TEX15: variants seen among roughly 807,000 people sequenced by gnomAD.
TEX15 encodes the protein testis expressed 15, meiosis and synapsis associated.
In TEX15, 171 loss-of-function variants were observed where a neutral mutation model predicts 237.3. The observed-to-expected ratio is 0.72, with a 90% CI of 0.64 to 0.82. The LOEUF (loss-of-function observed/expected upper bound fraction) is 0.82, where lower values mean the gene tolerates loss of function less well. Among genes scored for constraint, TEX15 ranks in the 40% least tolerant of loss-of-function variants. The probability of loss-of-function intolerance (pLI) is 0.00; values close to 1 mark genes in which losing one functional copy is unlikely to be tolerated. For missense variants in TEX15, 3,750 were observed against 3,646.5 expected, an observed-to-expected ratio of 1.03 and a Z score of -0.73; for synonymous variants, 1,338 against 1,269.8, an observed-to-expected ratio of 1.05 and a Z score of -1.14.
At chr8:30,900,207 CT>C in intron 1 of TEX15, among the ~76,000 whole-genome samples, 1 of 152,250 alleles carries the variant, frequency 6.6e-6, no homozygotes, top group South Asian at 2.1e-4. Context: ...TACTCAAGTG[CT>C]TTAATTGTCA....
In TEX15 at chr8:30,846,261, C is replaced by A; in HGVS notation, c.3906G>T (p.Arg1302Ser). The change falls in exon 8 of 11, where the codon AGG (arginine) becomes AGT (serine). Residue 1302 changes from arginine to serine, a missense_variant. Arg to Ser is a moderately radical substitution (Grantham distance 110, BLOSUM62 -1). Transcript: ENST00000643185. ...KKEVESRISK[R>S]KLHISSRDQN... ...GATCCCTGGAAGATATATGTAGCTT[C>A]CTTTTGCTAATTCTTGATTCTACCT... is the stretch of plus-strand genomic sequence containing the variant. 2 of 1,613,468 alleles carry A rather than the reference C, an allele frequency of 1.2e-6. No homozygotes were observed. Among genetic ancestry groups the A allele is most frequent in the Non-Finnish European group, 1.7e-6 (2 of 1,179,676 alleles).
At chr8:30,850,897 C>T (rs1034833623) in intron 7 of TEX15, among the ~76,000 whole-genome samples, 2 of 151,834 alleles carry the variant, frequency 1.3e-5, no homozygotes, top group African/African-American at 4.8e-5. Flanking sequence ...TCAACAAACA[C>T]AAAAAGATGC....
chr8:30,884,813 T>C (rs1003019202), intron 3 of TEX15, among the ~76,000 whole-genome samples: 1 of 152,136 alleles, frequency 6.6e-6, no homozygotes, highest in East Asian at 1.9e-4. Flanking sequence ...ATTAATTTCC[T>C]GTTTTTAATT....
At chr8:30,892,442 C>T (rs1409746024) in intron 2 of TEX15, among the ~76,000 whole-genome samples, 1 of 152,096 alleles carries the variant, frequency 6.6e-6, no homozygotes, top group Admixed American at 6.6e-5. Context: ...TCTTCCACAG[C>T]CTCTTTGCAC....
In TEX15 at chr8:30,848,491, T is replaced by TC; in HGVS notation, c.1675dup (p.Glu559GlyfsTer12). 1 of 1,614,160 alleles carries TC rather than the reference T, an allele frequency of 6.2e-7. No homozygotes were observed. Among genetic ancestry groups the TC allele is most frequent in the South Asian group, 1.1e-5 (1 of 91,074 alleles). On this transcript the variant is annotated frameshift_variant, in exon 8 of 11. Transcript: ENST00000643185. LOFTEE classifies it high-confidence loss of function. The stretch of plus-strand genomic sequence containing the variant: ...CTCCTGTTGGGCTCTCTGAGCCTTC[T>TC]CCTCACTGTGGTTTTGGTTCTCAAC...
chr8:30,865,041 T>C (rs1356682136), intron 5 of TEX15, among the ~76,000 whole-genome samples: 2 of 151,980 alleles, frequency 1.3e-5, no homozygotes, highest in Admixed American at 1.3e-4. Context: ...AAAGGAAGAC[T>C]TTGTTTTTAA....
At chr8:30,840,161 T>A (rs1807417149) in intron 8 of TEX15, among the ~76,000 whole-genome samples, 197 bp from the exon 9 acceptor site, 1 of 151,764 alleles carries the variant, frequency 6.6e-6, no homozygotes, top group Admixed American at 6.6e-5. Flanking sequence ...GGAGTAACTT[T>A]AAAAAAAATA....
intron 4 of TEX15, among the ~76,000 whole-genome samples, chr8:30,873,705 C>T (rs1808343391): frequency 6.6e-6 from 1 of 152,110 alleles, no homozygotes; most frequent in Non-Finnish European, 1.5e-5. Flanking sequence ...TTGCCAGACT[C>T]AGTTTTGCAC....
intron 7 of TEX15, among the ~76,000 whole-genome samples, chr8:30,853,787 C>A (rs1302573567): frequency 6.6e-6 from 1 of 151,676 alleles, no homozygotes; most frequent in Non-Finnish European, 1.5e-5. Flanking sequence ...CCTCAATAAA[C>A]TTAAAGGAAA....
intron 10 of TEX15, among the ~76,000 whole-genome samples, chr8:30,833,699 A>G (rs1585275187): frequency 6.6e-6 from 1 of 152,338 alleles, no homozygotes; most frequent in East Asian, 1.9e-4. Flanking sequence ...TCACATTTTT[A>G]AGAATGCAGT....
intron 2 of TEX15, chr8:30,887,910 ATATATATATATAT>A (rs1176214855): frequency 7.1e-6 from 1 of 141,682 alleles, no homozygotes; most frequent in African/African-American, 2.5e-5. Flanking sequence ...ATATATATAT[ATATATATATATAT>A]ATATATGAAT....
chr8:30,859,651 A>G (rs1807997583), intron 6 of TEX15, among the ~76,000 whole-genome samples: 2 of 152,170 alleles, frequency 1.3e-5, no homozygotes, highest in Admixed American at 6.5e-5. Context: ...AGAAGTTGGT[A>G]TATTTTGAAA....
At chr8:30,911,775 G>T (rs541567709) in intron 1 of TEX15, among the ~76,000 whole-genome samples, 1 of 152,136 alleles carries the variant, frequency 6.6e-6, no homozygotes, top group Non-Finnish European at 1.5e-5. Context: ...GTGGCCATGC[G>T]CCTCAAACCG....
chr8:30,844,778 A>G lies in TEX15; in HGVS notation c.5389T>C (p.Ser1797Pro). The change falls in exon 8 of 11, where the codon TCA becomes CCA. Residue 1797 changes from serine (S) to proline (P), a missense_variant. Physicochemically the swap from Ser to Pro is moderately conservative, Grantham distance 74. Coordinates refer to ENST00000643185, the MANE Select transcript of TEX15 (RefSeq NM_001350162.2). ...TAACTTTTATCTTCTTCAGTTCCTG[A>G]TGCTACATCCAACTCATAATTCTCA... Reference protein sequence around the residue: ...VTENYELDVASGTEEDKSYGE... With the variant: ...VTENYELDVAPGTEEDKSYGE... 6.2e-7 allele frequency: 1 copy of G among 1,613,508 alleles called. No homozygotes were observed. Among genetic ancestry groups the G allele is most frequent in the South Asian group, 1.1e-5 (1 of 91,062 alleles).
chr8:30,905,941 A>G (rs907451354), intron 1 of TEX15, among the ~76,000 whole-genome samples: 22 of 151,738 alleles, frequency 1.4e-4, no homozygotes, highest in African/African-American at 5.3e-4. Context: ...CAAAACCCAA[A>G]TTTTATCTGC....
intron 1 of TEX15, among the ~76,000 whole-genome samples, chr8:30,912,333 C>CCCCCA (rs772066925): frequency 1.6e-3 from 1 of 622 alleles, no homozygotes. Flanking sequence ...GGCGGCGGGG[C>CCCCCA]TCCCGCCCCC....
intron 4 of TEX15, among the ~76,000 whole-genome samples, chr8:30,871,752 A>C (rs181822024): frequency 4.6e-5 from 7 of 152,274 alleles, no homozygotes; most frequent in Non-Finnish European, 1.0e-4. Context: ...CCAAAGTCTC[A>C]CTGAATTACT....
Position 30,847,685 on chromosome 8 carries a change from C to T in TEX15, c.2482G>A (p.Ala828Thr), listed in dbSNP as rs748319104. The stretch of plus-strand genomic sequence containing the variant: ...TCCTGACCCCTATCTTCAACATAAG[C>T]AGTTTCTTTATAGTCTCTCTGAATG... The part of the protein sequence containing the change: ...ENIQRDYKET[A>T]YVEDRGQDHN... Residue 828 changes from alanine to threonine, a missense_variant, in exon 8 of 11, where the codon GCT becomes ACT. Coordinates refer to ENST00000643185, the MANE Select transcript of TEX15 (RefSeq NM_001350162.2). The T allele has an allele frequency of 2.8e-5, 45 of 1,613,724 alleles. No homozygotes were observed. In the Admixed American group the frequency reaches 7.2e-4, roughly 26 times the overall value.
intron 1 of TEX15, among the ~76,000 whole-genome samples, chr8:30,907,858 A>T (rs1268391622): frequency 2.0e-5 from 3 of 150,276 alleles, no homozygotes; most frequent in Non-Finnish European, 4.4e-5. Context: ...AGACTGCTTG[A>T]GCCCAGGTGA....
Sources: allele counts gnomAD v4.1 joint callset (sites outside exome capture counted in the v4.1 genomes callset), GRCh38; gene constraint gnomAD v4.1.1; transcripts MANE v1.5; gene names NCBI Gene and HGNC (gene_info 2026-07-23, HGNC 2026-07-21).